The following TBC1D23 variants were observed in gnomAD, a reference collection of about 807,000 sequenced individuals.
The protein encoded by TBC1D23 is TBC1 domain family member 23.
TBC1D23 carries 55 observed loss-of-function variants against 91.4 expected under a neutral mutation model. The ratio of observed to expected loss-of-function variants is 0.60; its 90% CI spans 0.48 to 0.75. TBC1D23 has a LOEUF of 0.75. TBC1D23 is among the 30% of genes least tolerant of loss of function. TBC1D23 has a pLI of 0.00. For missense variants in TBC1D23, 725 were observed against 836.1 expected, an observed-to-expected ratio of 0.87 and a Z score of 1.64; for synonymous variants, 289 against 281.0, an observed-to-expected ratio of 1.03 and a Z score of -0.28.
chr3:100,305,619 G>T (rs1260506659), intron 12 of TBC1D23, among the ~76,000 whole-genome samples: 3 of 152,086 alleles, frequency 2.0e-5, no homozygotes, highest in African/African-American at 7.2e-5. Context: ...TATGTTGAGG[G>T]TAATGGAATC....
intron 11 of TBC1D23, among the ~76,000 whole-genome samples, chr3:100,303,858 A>T (rs1705473682): frequency 6.6e-6 from 1 of 152,190 alleles, no homozygotes; most frequent in Non-Finnish European, 1.5e-5. Context: ...GAATATTGTG[A>T]ACTTTTTTTT....
In TBC1D23 at chr3:100,324,364, AGTAG is replaced by A. The variant is rs749209380; in HGVS notation, c.*702_*705del. The A allele has an allele frequency of 2.0e-5, 3 of 152,220 alleles. No individual in the cohort carries two copies. Among genetic ancestry groups the A allele is most frequent in the Non-Finnish European group, 4.4e-5 (3 of 68,014 alleles). 9.4% of individuals were successfully genotyped at this position (152,220 alleles called of 1,614,324 possible). A position where few individuals can be genotyped will look rare whatever the true frequency, so the allele number is the denominator to read the frequency against. ...AAGAGCAGTTAAAAGCATTAAAATA[AGTAG>A]GTAGGCTGTTAAGATTAAAATTAAC... On this transcript the variant is annotated 3_prime_UTR_variant, in exon 19 of 19. Coordinates refer to ENST00000394144, the MANE Select transcript of TBC1D23 (RefSeq NM_001199198.3).
intron 1 of TBC1D23, among the ~76,000 whole-genome samples, chr3:100,273,881 A>C (rs1430466945): frequency 6.6e-6 from 1 of 152,208 alleles, no homozygotes; most frequent in Non-Finnish European, 1.5e-5. Context: ...TGGAAGCCTA[A>C]AAACTATGAA....
At chr3:100,269,641 CAA>C (rs2067585266) in intron 1 of TBC1D23, among the ~76,000 whole-genome samples, 1 of 152,200 alleles carries the variant, frequency 6.6e-6, no homozygotes, top group Non-Finnish European at 1.5e-5. Flanking sequence ...GAATCTGTAG[CAA>C]AGTTTTCTCT....
At chr3:100,308,749 A>G (rs543541425) in intron 13 of TBC1D23, among the ~76,000 whole-genome samples, 1 of 152,358 alleles carries the variant, frequency 6.6e-6, no homozygotes, top group East Asian at 1.9e-4. Context: ...AAATAATATG[A>G]GTTTGTAATG....
chr3:100,315,988 G>A (rs1460965143), intron 15 of TBC1D23, 111 bp from the exon 16 acceptor site: 1 of 812,598 alleles, frequency 1.2e-6, no homozygotes, highest in African/African-American at 1.7e-5. Context: ...GGTTTTGGGG[G>A]GGTCAGGTAA....
intron 18 of TBC1D23, among the ~76,000 whole-genome samples, chr3:100,322,433 T>C (rs1705876473): frequency 6.6e-6 from 1 of 152,196 alleles, no homozygotes; most frequent in Non-Finnish European, 1.5e-5. Flanking sequence ...GTAGATATTC[T>C]GTTATAAGGA....
At chr3:100,298,085 T>A in intron 9 of TBC1D23, 40 bp downstream of exon 9, 1 of 1,580,380 alleles carries the variant, frequency 6.3e-7, no homozygotes, top group African/African-American at 1.4e-5. Context: ...GACTGTTCAT[T>A]TTAAATACAA....
chr3:100,311,941 C>G, intron 15 of TBC1D23, 64 bp downstream of exon 15: 1 of 1,075,080 alleles, frequency 9.3e-7, no homozygotes, highest in Non-Finnish European at 1.4e-6. Flanking sequence ...TTCATGCCAT[C>G]TATAAGCCTC....
chr3:100,306,444 G>A lies in TBC1D23; in HGVS notation c.1314G>A (p.Gln438=), dbSNP rs1166913140. The change falls in exon 13 of 19, where the codon CAG becomes CAA. Residue 438 remains glutamine, a synonymous_variant. Coordinates refer to ENST00000394144, the MANE Select transcript of TBC1D23 (RefSeq NM_001199198.3). ...SIASGGFMAL[Q]QHLADINVDG... is the part of the protein sequence containing the mutation. ...TTTTTAATTTATCTTAAGCACTGCA[G>A]CAGCACCTGGCAGACATTAATGTGG... is the stretch of plus-strand genomic sequence containing the variant. 1.3e-6 allele frequency: 2 copies of A among 1,598,172 alleles called. No individual in the cohort carries two copies. The highest frequency in any genetic ancestry group is 1.1e-5 in the South Asian group (1 of 90,510).
At chr3:100,302,308 CTT>C in intron 11 of TBC1D23, 71 bp downstream of exon 11, 1 of 1,288,070 alleles carries the variant, frequency 7.8e-7, no homozygotes, top group Non-Finnish European at 1.0e-6. Context: ...ACATAGATAA[CTT>C]TTTGCTTGTC....
At chr3:100,279,566 A>G in intron 1 of TBC1D23, 83 bp from the exon 2 acceptor site, 1 of 920,560 alleles carries the variant, frequency 1.1e-6, no homozygotes, top group East Asian at 2.7e-5. Flanking sequence ...ACAAGCCTTT[A>G]ATAGGCCATG....
intron 3 of TBC1D23, 21 bp from the exon 4 acceptor site, chr3:100,283,586 T>C: frequency 6.3e-7 from 1 of 1,599,256 alleles, no homozygotes; most frequent in Non-Finnish European, 8.6e-7. Context: ...AGTAACTTTA[T>C]TTTTAACATT....
intron 1 of TBC1D23, among the ~76,000 whole-genome samples, chr3:100,274,782 C>A (rs1230441246): frequency 6.8e-6 from 1 of 147,292 alleles, no homozygotes; most frequent in South Asian, 2.1e-4. Flanking sequence ...AATATATATT[C>A]TATAATATGT....
chr3:100,298,639 G>T (rs921809770), intron 9 of TBC1D23, among the ~76,000 whole-genome samples: 2 of 152,136 alleles, frequency 1.3e-5, no homozygotes, highest in African/African-American at 4.8e-5. Flanking sequence ...ATCTTTCTTA[G>T]TTGGATTTCT....
intron 1 of TBC1D23, 90 bp downstream of exon 1, chr3:100,261,161 A>G (rs1309919214): frequency 1.6e-5 from 22 of 1,355,066 alleles, no homozygotes; most frequent in Non-Finnish European, 1.3e-5. Flanking sequence ...TGGCGTCGGC[A>G]TGGAACGGAG....
rs374070318 is a variant in TBC1D23 at position 100,316,081 on chromosome 3, A to G, written c.1599-18A>G. ...CTTCTTAAGTGATTATTTCTCTCCT[A>G]AAATTCTTTGAATATAGGCATGTGA... On this transcript the variant is annotated intron_variant, in intron 15 of 18. Transcript: ENST00000394144. The G allele has an allele frequency of 3.3e-5, 52 of 1,590,698 alleles. No homozygotes were observed. The highest frequency in any genetic ancestry group is 1.7e-4 in the Middle Eastern group (1 of 6,040).
chr3:100,319,182 G>T lies in TBC1D23; in HGVS notation c.1801G>T (p.Glu601Ter), dbSNP rs767318403. ...KHHFPCKEVKESGHMFPSHLL... is the reference protein window; with the variant it reads ...KHHFPCKEVK ...TCATTTTCCTTGTAAAGAAGTAAAA[G>T]AAAGTGGACACATGTTTCCCAGGTA... is the stretch of plus-strand genomic sequence containing the variant. The change falls in exon 17 of 19, where the codon GAA becomes TAA. Residue 601 changes from glutamate to a stop codon, truncating the protein, a stop_gained. Coordinates refer to ENST00000394144, the MANE Select transcript of TBC1D23 (RefSeq NM_001199198.3). LOFTEE classifies it high-confidence loss of function. 5 of 1,607,600 alleles carry T rather than the reference G, an allele frequency of 3.1e-6. No individual in the cohort carries two copies. The highest frequency in any genetic ancestry group is 3.4e-6 in the Non-Finnish European group (4 of 1,177,978).
intron 18 of TBC1D23, among the ~76,000 whole-genome samples, chr3:100,321,275 T>C (rs747522587): frequency 6.6e-6 from 1 of 152,220 alleles, no homozygotes; most frequent in Non-Finnish European, 1.5e-5. Flanking sequence ...AAACTTGTTT[T>C]AGAATATGTT....
Sources: allele counts gnomAD v4.1 joint callset (sites outside exome capture counted in the v4.1 genomes callset), GRCh38; gene constraint gnomAD v4.1.1; transcripts MANE v1.5; gene names NCBI Gene and HGNC (gene_info 2026-07-23, HGNC 2026-07-21).